The following SH2D7 variants were observed in gnomAD, a reference collection of about 807,000 sequenced individuals.
SH2D7 encodes the protein SH2 domain containing 7.
A neutral mutation model predicts 40.8 loss-of-function variants in SH2D7; 32 were observed. The ratio of observed to expected loss-of-function variants is 0.78; its 90% CI spans 0.59 to 1.05. SH2D7 has a LOEUF of 1.05. Ranked by LOEUF, SH2D7 falls within the 50% of genes least tolerant of loss-of-function variation. The pLI is 0.00. For synonymous variants in SH2D7, 195 were observed against 221.5 expected (o/e 0.88, Z 1.06); for missense variants, 559 against 566.6 (o/e 0.99, Z 0.14).
In SH2D7 at chr15:78,103,955, C is replaced by G. The variant is rs2141877743; in HGVS notation, c.*440C>G. The stretch of plus-strand genomic sequence containing the variant: ...GACATCATGCAATTGCTACCGAGAA[C>G]AAAACCAGTTCCCCTCCTTGCGGCC... On this transcript the variant is annotated 3_prime_UTR_variant, in exon 6 of 6. Transcript: ENST00000328828. 2 of 155,486 alleles carry G rather than the reference C, an allele frequency of 1.3e-5. No individual in the cohort carries two copies. Among genetic ancestry groups the G allele is most frequent in the East Asian group, 3.8e-4 (2 of 5,328 alleles). The allele number at this position is 155,486 out of a possible 1,614,324, so 9.6% of individuals were successfully genotyped here.
chr15:78,102,377 C>T (rs1276309298), intron 5 of SH2D7, among the ~76,000 whole-genome samples: 1 of 152,146 alleles, frequency 6.6e-6, no homozygotes, highest in Non-Finnish European at 1.5e-5. Context: ...TTTAGCAACC[C>T]CACCCAGGAC....
At position 78,092,586 on chromosome 15, in the gene SH2D7, TGGA is replaced by T; in HGVS notation, c.6_8del (p.Glu2?). On this transcript the variant is annotated start_lost and inframe_deletion, in exon 1 of 6. Transcript: ENST00000328828. ...GCTTCCACTCTGGTGCCTGCCAGCA[TGGA>T]GGACAGCCTAAAGCAGCTCAGCCTG... 1 of 1,547,396 alleles carries T rather than the reference TGGA, an allele frequency of 6.5e-7. No individual in the cohort carries two copies. The highest frequency in any genetic ancestry group is 8.7e-7 in the Non-Finnish European group (1 of 1,144,328).
At chr15:78,090,232 C>T (rs1478047539), upstream of SH2D7, among the ~76,000 whole-genome samples, 1 of 152,082 alleles carries the variant, frequency 6.6e-6, no homozygotes, top group East Asian at 1.9e-4. Flanking sequence ...CACGGTAAAA[C>T]CCCGTCTCTA....
chr15:78,093,877 G>T (rs1439356416), intron 1 of SH2D7, among the ~76,000 whole-genome samples: 1 of 152,204 alleles, frequency 6.6e-6, no homozygotes, highest in East Asian at 1.9e-4. Context: ...TATGGCTTCA[G>T]ACCCTGACCC....
rs371750562 is a variant in SH2D7 at position 78,098,004 on chromosome 15, G to A, written c.342G>A (p.Gln114=). ...GTTACATCATCTCAGGAGACACCCAGAGCCACAGCACCCTGGCTGAGCTTG... is the reference window on the plus strand; with the variant it reads ...GTTACATCATCTCAGGAGACACCCAAAGCCACAGCACCCTGGCTGAGCTTG... ...NRRYIISGDT[Q]SHSTLAELVH... is the part of the protein sequence containing the mutation. The change falls in exon 3 of 6, where the codon CAG becomes CAA. Residue 114 remains glutamine (Q), a synonymous_variant. Coordinates refer to ENST00000328828, the MANE Select transcript of SH2D7 (RefSeq NM_001101404.2). 51 of 1,613,906 alleles carry A rather than the reference G, an allele frequency of 3.2e-5. No homozygotes were observed. Among genetic ancestry groups the A allele is most frequent in the Admixed American group, 1.0e-4 (6 of 60,002 alleles).
intron 2 of SH2D7, 92 bp downstream of exon 2, chr15:78,094,293 T>A: frequency 8.0e-7 from 1 of 1,243,078 alleles, no homozygotes; most frequent in Non-Finnish European, 1.1e-6. Context: ...CCAAATTGCC[T>A]AGATTTCCCT....
At chr15:78,096,323 G>C (rs2073972263) in intron 2 of SH2D7, among the ~76,000 whole-genome samples, 1 of 152,008 alleles carries the variant, frequency 6.6e-6, no homozygotes, top group South Asian at 2.1e-4. Context: ...ATAAGTAAAA[G>C]CAAAAGAACT....
chr15:78,098,013 C>T lies in SH2D7; in HGVS notation c.351C>T (p.Ser117=), dbSNP rs1448046678. 6.2e-6 allele frequency: 10 copies of T among 1,613,908 alleles called. No homozygotes were observed. The East Asian group carries it at 2.2e-4, about 36-fold the overall frequency. ...TCTCAGGAGACACCCAGAGCCACAG[C>T]ACCCTGGCTGAGCTTGTGCACCATT... ...YIISGDTQSH[S]TLAELVHHYQ... Residue 117 remains serine, a synonymous_variant, in exon 3 of 6, where the codon AGC becomes AGT. Transcript: ENST00000328828.
chr15:78,090,594 G>A (rs774799584), upstream of SH2D7, among the ~76,000 whole-genome samples: 1 of 151,278 alleles, frequency 6.6e-6, no homozygotes, highest in Non-Finnish European at 1.5e-5. Flanking sequence ...AACAGGAGCA[G>A]ACCTTCTGTA....
chr15:78,100,125 C>T lies in SH2D7; in HGVS notation c.646-774C>T, dbSNP rs368167373. Among the ~76,000 whole-genome samples, 6 of 152,234 alleles carry T rather than the reference C, an allele frequency of 3.9e-5. No homozygotes were observed. The South Asian group carries it at 1.0e-3, about 26-fold the overall frequency. ...TTGTGCTACACAGCGCAGCAGTAGGCTGCCCATCTCCCAGATTAGAATATA... is the reference window on the plus strand; with the variant it reads ...TTGTGCTACACAGCGCAGCAGTAGGTTGCCCATCTCCCAGATTAGAATATA... On this transcript the variant is annotated intron_variant, in intron 4 of 5. Coordinates refer to ENST00000328828, the MANE Select transcript of SH2D7 (RefSeq NM_001101404.2).
At position 78,098,544 on chromosome 15, in the gene SH2D7, A is replaced by G. The variant is rs376169691; in HGVS notation, c.593A>G (p.Gln198Arg). ...PKPQVSFLHA[Q>R]KSLDVSPRNL... ...CCCCAGGTCTCCTTCCTCCATGCAC[A>G]GAAAAGCCTGGATGTGAGTCCCCGG... The change falls in exon 4 of 6, where the codon CAG (glutamine) becomes CGG (arginine). Residue 198 changes from glutamine to arginine, a missense_variant. Transcript: ENST00000328828. 106 of 1,613,904 alleles carry G rather than the reference A, an allele frequency of 6.6e-5. No individual in the cohort carries two copies. Among genetic ancestry groups the G allele is most frequent in the Non-Finnish European group, 8.2e-5 (97 of 1,179,890 alleles).
At chr15:78,100,225 C>T (rs1214488119) in intron 4 of SH2D7, among the ~76,000 whole-genome samples, 2 of 152,214 alleles carry the variant, frequency 1.3e-5, no homozygotes, top group Non-Finnish European at 2.9e-5. Context: ...TTGGTGCTCA[C>T]TAAATATTTG....
chr15:78,101,316 G>C lies in SH2D7; in HGVS notation c.1063G>C (p.Gly355Arg), dbSNP rs202061655. ...CTCTGCAGATATCTATGAGTTCATCGGGACAGAAGGCCTCCTGCAAGAGGC... is the reference window on the plus strand; with the variant it reads ...CTCTGCAGATATCTATGAGTTCATCCGGACAGAAGGCCTCCTGCAAGAGGC... ...GSSADIYEFIGTEGLLQEARD... is the reference protein window; with the variant it reads ...GSSADIYEFIRTEGLLQEARD... Residue 355 changes from glycine (G) to arginine (R), a missense_variant, in exon 5 of 6, where the codon GGG (glycine) becomes CGG (arginine). Gly to Arg is a moderately radical substitution (Grantham distance 125). Coordinates refer to ENST00000328828, the MANE Select transcript of SH2D7 (RefSeq NM_001101404.2). 71 of 1,612,916 alleles carry C rather than the reference G, an allele frequency of 4.4e-5. No individual in the cohort carries two copies. Among genetic ancestry groups the C allele is most frequent in the Non-Finnish European group, 5.8e-5 (69 of 1,179,596 alleles).
intron 4 of SH2D7, among the ~76,000 whole-genome samples, chr15:78,099,316 T>A (rs769974761): frequency 4.6e-5 from 7 of 151,408 alleles, no homozygotes; most frequent in Non-Finnish European, 8.8e-5. Flanking sequence ...CCCAGCCATT[T>A]TTATTTTTAT....
intron 5 of SH2D7, among the ~76,000 whole-genome samples, chr15:78,101,968 G>A (rs1295778920): frequency 2.0e-5 from 3 of 152,118 alleles, no homozygotes; most frequent in Non-Finnish European, 4.4e-5. Context: ...AAATATTTTT[G>A]AGGCCAGGCA....
At chr15:78,093,453 G>A (rs908746469) in intron 1 of SH2D7, among the ~76,000 whole-genome samples, 7 of 152,354 alleles carry the variant, frequency 4.6e-5, no homozygotes, top group South Asian at 4.1e-4. Flanking sequence ...ATTTAGCTGC[G>A]TAGAACAGGC....
intron 4 of SH2D7, among the ~76,000 whole-genome samples, chr15:78,099,626 C>T (rs535998473): frequency 5.3e-5 from 8 of 152,136 alleles, no homozygotes; most frequent in Admixed American, 2.0e-4. Context: ...AGCGCTTGGC[C>T]GAAGGATTTT....
chr15:78,098,687 C>A, intron 4 of SH2D7, 91 bp downstream of exon 4: 1 of 1,412,858 alleles, frequency 7.1e-7, no homozygotes, highest in Non-Finnish European at 9.7e-7. Context: ...GCCAGGCCAG[C>A]CACTCCCTCC....
chr15:78,098,305 T>C, intron 3 of SH2D7, 79 bp from the exon 4 acceptor site: 16 of 1,537,014 alleles, frequency 1.0e-5, no homozygotes, highest in Non-Finnish European at 1.4e-5. Flanking sequence ...TGCAGTCTCT[T>C]ACCAGCAGTC....
Sources: allele counts gnomAD v4.1 joint callset (sites outside exome capture counted in the v4.1 genomes callset), GRCh38; gene constraint gnomAD v4.1.1; transcripts MANE v1.5; gene names NCBI Gene and HGNC (gene_info 2026-07-23, HGNC 2026-07-21).